ARHGAP26: variants seen among roughly 807,000 people sequenced by gnomAD.
ARHGAP26 encodes rho GTPase-activating protein 26.
ARHGAP26 carries 38 observed loss-of-function variants against 104.8 expected under a neutral mutation model. The ratio of observed to expected loss-of-function variants is 0.36; its 90% confidence interval spans 0.28 to 0.48. The LOEUF (loss-of-function observed/expected upper bound fraction) is 0.48, where lower values mean the gene tolerates loss of function less well. ARHGAP26 is among the 20% of genes least tolerant of loss of function. The pLI, the probability that ARHGAP26 is intolerant of heterozygous loss-of-function variation, is 0.99. For missense variants in ARHGAP26, 704 were observed against 947.9 expected (o/e 0.74, Z 3.38); for synonymous variants, 341 against 340.0 (o/e 1.00, Z -0.03).
chr5:142,772,377 C>T (rs535880823), intron 1 of ARHGAP26, among the ~76,000 whole-genome samples: 35 of 152,278 alleles, frequency 2.3e-4, no homozygotes, highest in Non-Finnish European at 4.3e-4. Flanking sequence ...GGATGGGGGT[C>T]CCTGGTTTGG....
At chr5:142,998,534 T>C (rs1464644758) in intron 11 of ARHGAP26, among the ~76,000 whole-genome samples, 6 of 152,156 alleles carry the variant, frequency 3.9e-5, no homozygotes, top group Admixed American at 2.6e-4. Flanking sequence ...TCAGGTCCGG[T>C]GTGCTTTTGT....
At chr5:142,922,123 A>G (rs1763276060) in intron 10 of ARHGAP26, 1 of 152,244 alleles carries the variant, frequency 6.6e-6, no homozygotes, top group Non-Finnish European at 1.5e-5. Flanking sequence ...TCAAATAAAG[A>G]TAAAGTGTTA....
chr5:142,960,829 T>C (rs925690011), intron 11 of ARHGAP26, among the ~76,000 whole-genome samples: 1 of 152,254 alleles, frequency 6.6e-6, no homozygotes, highest in African/African-American at 2.4e-5. Flanking sequence ...GCCAAGCTAT[T>C]TCCCACCTTG....
At chr5:142,952,624 G>C (rs1242794479) in intron 11 of ARHGAP26, among the ~76,000 whole-genome samples, 1 of 152,072 alleles carries the variant, frequency 6.6e-6, no homozygotes, top group East Asian at 1.9e-4. Flanking sequence ...CTATTCAAAG[G>C]TACTTATATT....
At chr5:143,151,149 C>G (rs77056093) in intron 20 of ARHGAP26, among the ~76,000 whole-genome samples, 5,287 of 152,198 alleles carry the variant, frequency 0.035, 308 homozygotes, top group South Asian at 0.21. Flanking sequence ...ATACAGGTGT[C>G]AAGTAAGCAT....
At chr5:143,168,581 A>G (rs1163018310) in intron 20 of ARHGAP26, 1 of 151,120 alleles carries the variant, frequency 6.6e-6, no homozygotes, top group Non-Finnish European at 1.5e-5. Context: ...ATAATGTTAA[A>G]AAGCCAACAA....
intron 8 of ARHGAP26, among the ~76,000 whole-genome samples, chr5:142,905,393 T>A (rs995125779): frequency 2.9e-4 from 17 of 57,756 alleles, no homozygotes; most frequent in Middle Eastern, 6.2e-3. Flanking sequence ...ATACAGCACT[T>A]TTTTTTTAAT....
In ARHGAP26 at chr5:142,896,657, C is replaced by G. The variant is rs191158127; in HGVS notation, c.597+2309C>G. Among the ~76,000 whole-genome samples, 126 of 152,154 alleles carry G rather than the reference C, an allele frequency of 8.3e-4. 1 individual carries two copies. Among genetic ancestry groups the G allele is most frequent in the African/African-American group, 2.9e-3 (119 of 41,504 alleles). Reference sequence around the variant, plus strand: ...ATTTACCATTCCATTTCCTGGCATCCTGTTGTAGTGTGTCCATGTCTTAGG... The same window carrying G: ...ATTTACCATTCCATTTCCTGGCATCGTGTTGTAGTGTGTCCATGTCTTAGG... On this transcript the variant is annotated intron_variant, in intron 6 of 22. Coordinates refer to ENST00000645722, the MANE Select transcript of ARHGAP26 (RefSeq NM_001135608.3).
intron 12 of ARHGAP26, among the ~76,000 whole-genome samples, chr5:143,028,260 G>A (rs1429682830): frequency 1.3e-5 from 2 of 152,090 alleles, no homozygotes; most frequent in Admixed American, 1.3e-4. Flanking sequence ...TGTTAGCCAC[G>A]GTTATCATTG....
chr5:143,141,838 G>C (rs772390293), intron 19 of ARHGAP26, among the ~76,000 whole-genome samples: 1 of 152,124 alleles, frequency 6.6e-6, no homozygotes, highest in Non-Finnish European at 1.5e-5. Context: ...CCTCCTTTGC[G>C]GTTTCTGAAA....
chr5:143,200,612 A>T (rs985949004), intron 20 of ARHGAP26, among the ~76,000 whole-genome samples: 2 of 152,206 alleles, frequency 1.3e-5, no homozygotes, highest in African/African-American at 4.8e-5. Context: ...AAAAGCGAGG[A>T]GAAATATGCC....
At chr5:142,963,198 A>ATATATATATATTTGTGTGTGTG in intron 11 of ARHGAP26, among the ~76,000 whole-genome samples, 1 of 98,338 alleles carries the variant, frequency 1.0e-5, no homozygotes, top group South Asian at 4.1e-4. Flanking sequence ...ATATATATAT[A>ATATATATATATTTGTGTGTGTG]TGTGTGTGTG....
intron 1 of ARHGAP26, among the ~76,000 whole-genome samples, chr5:142,834,107 C>T (rs1200811927): frequency 6.6e-6 from 1 of 152,236 alleles, no homozygotes; most frequent in Non-Finnish European, 1.5e-5. Context: ...TCCTTAGCCA[C>T]ATACCCCTAT....
intron 17 of ARHGAP26, among the ~76,000 whole-genome samples, chr5:143,081,784 C>A (rs547250107): frequency 6.6e-6 from 1 of 152,190 alleles, no homozygotes; most frequent in African/African-American, 2.4e-5. Flanking sequence ...GAGGCCGAGG[C>A]CGGCGGATCA....
intron 5 of ARHGAP26, 68 bp from the exon 6 acceptor site, chr5:142,894,170 A>G: frequency 1.5e-6 from 2 of 1,298,340 alleles, no homozygotes; most frequent in Admixed American, 2.1e-5. Flanking sequence ...TTTTTTTCTG[A>G]CCTGCTTTCG....
intron 1 of ARHGAP26, among the ~76,000 whole-genome samples, chr5:142,864,995 C>T (rs1000567488): frequency 5.3e-5 from 8 of 152,216 alleles, no homozygotes. Context: ...TTTGTTCCCT[C>T]ACTTGATTAG....
intron 1 of ARHGAP26, among the ~76,000 whole-genome samples, chr5:142,842,806 C>A (rs148973363): frequency 1.3e-5 from 2 of 152,106 alleles, no homozygotes; most frequent in Non-Finnish European, 2.9e-5. Flanking sequence ...AGGCTTAGAA[C>A]GTAATTGTTT....
chr5:143,158,437 G>A (rs762835288), intron 20 of ARHGAP26, among the ~76,000 whole-genome samples: 24 of 152,158 alleles, frequency 1.6e-4, no homozygotes, highest in Non-Finnish European at 2.8e-4. Context: ...TGGAAACTAC[G>A]CTGATTAGGC....
At chr5:142,858,904 A>T (rs1752851061) in intron 1 of ARHGAP26, among the ~76,000 whole-genome samples, 1 of 152,082 alleles carries the variant, frequency 6.6e-6, no homozygotes, top group African/African-American at 2.4e-5. Flanking sequence ...GAGACAGGGG[A>T]GTGTTTCAGA....
Sources: gnomAD v4.1 joint callset for allele counts (sites outside exome capture counted in the v4.1 genomes callset) on GRCh38, gnomAD v4.1.1 for gene constraint, MANE v1.5 for transcripts, NCBI Gene and HGNC (gene_info 2026-07-23, HGNC 2026-07-21) for gene names.